The following STK32B variants were observed in gnomAD, a reference collection of about 807,000 sequenced individuals.
The protein encoded by STK32B is serine/threonine kinase 32B.
In STK32B, 43 loss-of-function variants were observed where a neutral mutation model predicts 52.6. That is an observed-to-expected ratio of 0.82 (90% CI 0.64 to 1.05). The LOEUF (loss-of-function observed/expected upper bound fraction) is 1.05. STK32B is among the 50% of genes least tolerant of loss of function. The pLI is 0.00. For missense variants in STK32B, 621 were observed against 534.6 expected (o/e 1.16, Z -1.59); for synonymous variants, 238 against 204.3 (o/e 1.17, Z -1.41).
At chr4:5,049,766 T>C (rs556996167), upstream of STK32B, among the ~76,000 whole-genome samples, 78 of 152,194 alleles carry the variant, frequency 5.1e-4, no homozygotes, top group Non-Finnish European at 9.0e-4. Flanking sequence ...TTTGTTTTTT[T>C]AGTACAGATG....
intron 3 of STK32B, among the ~76,000 whole-genome samples, chr4:5,217,651 T>C (rs1723262804): frequency 6.6e-6 from 1 of 152,240 alleles, no homozygotes. Flanking sequence ...GCCATCTGAC[T>C]TATTGTTTTA....
chr4:5,421,611 G>C lies in STK32B; in HGVS notation c.562+4677G>C, dbSNP rs1327960877. On this transcript the variant is annotated intron_variant, in intron 6 of 11. Coordinates refer to ENST00000282908, the MANE Select transcript of STK32B (RefSeq NM_018401.3). The stretch of plus-strand genomic sequence containing the variant: ...CAGACTCACTCGAGCCTCCTCAAAG[G>C]CTCTACTGGGGCTTCCTGACCTTGC... 1.3e-3 allele frequency among the ~76,000 whole-genome samples: 203 copies of C among 152,276 alleles called. 1 individual carries two copies. The highest frequency in any genetic ancestry group is 4.5e-3 in the African/African-American group (187 of 41,568).
chr4:5,199,203 T>C (rs1721929969), intron 3 of STK32B, among the ~76,000 whole-genome samples: 1 of 152,206 alleles, frequency 6.6e-6, no homozygotes, highest in South Asian at 2.1e-4. Context: ...TGAGTATTAC[T>C]TTAATTGAAC....
rs1235303651 is a variant in STK32B at position 5,304,020 on chromosome 4, C to G, written c.261-27200C>G. Among the ~76,000 whole-genome samples, 3 of 152,218 alleles carry G rather than the reference C, an allele frequency of 2.0e-5. No individual in the cohort carries two copies. In the East Asian group the frequency reaches 5.8e-4, roughly 29 times the overall value. The stretch of plus-strand genomic sequence containing the variant: ...TAGCTTTATTTTTGAGTTCTCTATT[C>G]TGTTCCATTAGTCTATATGCCTATT... On this transcript the variant is annotated intron_variant, in intron 3 of 11. Coordinates refer to ENST00000282908, the MANE Select transcript of STK32B (RefSeq NM_018401.3).
intron 1 of STK32B, among the ~76,000 whole-genome samples, chr4:5,092,629 A>G (rs1713154487): frequency 6.6e-6 from 1 of 152,184 alleles, no homozygotes; most frequent in Non-Finnish European, 1.5e-5. Context: ...CTCCACGGGA[A>G]ACATAGTGGC....
chr4:5,158,075 C>T (rs887407962), intron 2 of STK32B, among the ~76,000 whole-genome samples: 1 of 152,188 alleles, frequency 6.6e-6, no homozygotes, highest in Non-Finnish European at 1.5e-5. Flanking sequence ...CTAAATATCA[C>T]AGGAAATGCA....
chr4:5,376,188 C>T (rs763240974), intron 4 of STK32B, among the ~76,000 whole-genome samples: 5 of 152,196 alleles, frequency 3.3e-5, no homozygotes, highest in Admixed American at 6.5e-5. Flanking sequence ...CTCCACTCCG[C>T]CGGACCAGGT....
chr4:5,109,548 T>C (rs1356436318), intron 1 of STK32B, among the ~76,000 whole-genome samples: 1 of 152,008 alleles, frequency 6.6e-6, no homozygotes, highest in Non-Finnish European at 1.5e-5. Flanking sequence ...AAAAGCAGAT[T>C]GATAAAAAGC....
intron 11 of STK32B, among the ~76,000 whole-genome samples, chr4:5,490,508 A>C (rs940004803): frequency 2.6e-5 from 4 of 152,156 alleles, no homozygotes; most frequent in Non-Finnish European, 5.9e-5. Context: ...TGACTAAATT[A>C]TGTCAGGAGG....
At chr4:5,141,661 G>A (rs892258447) in intron 2 of STK32B, among the ~76,000 whole-genome samples, 2 of 152,130 alleles carry the variant, frequency 1.3e-5, no homozygotes, top group Non-Finnish European at 2.9e-5. Context: ...TGGTGGCCTG[G>A]GGCACATGGC....
intron 4 of STK32B, among the ~76,000 whole-genome samples, chr4:5,374,452 T>C (rs1735450751): frequency 6.6e-6 from 1 of 152,312 alleles, no homozygotes; most frequent in African/African-American, 2.4e-5. Flanking sequence ...TAGAATGGAT[T>C]GATGTCTTAG....
intron 1 of STK32B, among the ~76,000 whole-genome samples, chr4:5,125,204 C>T (rs1037096615): frequency 3.2e-5 from 4 of 124,600 alleles, no homozygotes; most frequent in Non-Finnish European, 7.8e-5. Flanking sequence ...TTGGTCAACA[C>T]CTTGATGTTG....
chr4:5,338,497 A>T (rs1409566136), intron 4 of STK32B, among the ~76,000 whole-genome samples: 4 of 152,204 alleles, frequency 2.6e-5, no homozygotes, highest in Admixed American at 2.6e-4. Flanking sequence ...TATATGTGTC[A>T]TTCATGAATT....
intron 3 of STK32B, among the ~76,000 whole-genome samples, chr4:5,283,872 G>A (rs1325973283): frequency 6.6e-6 from 1 of 151,984 alleles, no homozygotes; most frequent in African/African-American, 2.4e-5. Flanking sequence ...GAAACAAAAG[G>A]CCACTAACTA....
rs796437529 is a variant in STK32B at position 5,247,797 on chromosome 4, GTCT to G, written c.260+79352_260+79354del. Among the ~76,000 whole-genome samples, 7 of 151,978 alleles carry G rather than the reference GTCT, an allele frequency of 4.6e-5. No homozygotes were observed. The East Asian group carries it at 1.2e-3, about 25-fold the overall frequency. ...GCCAAGGAGGATCATTTTCTTTTGT[GTCT>G]TCTTTTGCTTTTTTTGTTTCTTTTT... On this transcript the variant is annotated intron_variant, in intron 3 of 11. Coordinates refer to ENST00000282908, the MANE Select transcript of STK32B (RefSeq NM_018401.3).
chr4:5,128,733 C>T (rs970834590), intron 1 of STK32B, among the ~76,000 whole-genome samples: 2 of 152,178 alleles, frequency 1.3e-5, no homozygotes, highest in Non-Finnish European at 2.9e-5. Context: ...AACAACTGAT[C>T]GGCTACTGGC....
chr4:5,196,807 T>G (rs1721716022), intron 3 of STK32B, among the ~76,000 whole-genome samples: 1 of 151,946 alleles, frequency 6.6e-6, no homozygotes, highest in African/African-American at 2.4e-5. Flanking sequence ...GAAGAACACA[T>G]GTAGGGGATG....
chr4:5,047,021 A>G (rs1741631553), upstream of STK32B, among the ~76,000 whole-genome samples: 1 of 152,202 alleles, frequency 6.6e-6, no homozygotes, highest in African/African-American at 2.4e-5. Flanking sequence ...TCATTCTACT[A>G]TAAGGACACA....
chr4:5,379,993 C>T (rs1452311235), intron 4 of STK32B, among the ~76,000 whole-genome samples: 1 of 152,164 alleles, frequency 6.6e-6, no homozygotes, highest in Non-Finnish European at 1.5e-5. Context: ...CACTGTGACT[C>T]CCAGGGCTGC....
Sources: gnomAD v4.1 joint callset for allele counts (sites outside exome capture counted in the v4.1 genomes callset) on GRCh38, gnomAD v4.1.1 for gene constraint, MANE v1.5 for transcripts, NCBI Gene and HGNC (gene_info 2026-07-23, HGNC 2026-07-21) for gene names.